Variants in TPST2 observed in about 807,000 individuals in gnomAD.
TPST2 encodes the protein tyrosylprotein sulfotransferase 2.
Under a neutral mutation model 27.8 loss-of-function variants are expected in TPST2, and 16 were observed. That is an observed-to-expected ratio of 0.58 (90% CI 0.39 to 0.88). The LOEUF (loss-of-function observed/expected upper bound fraction) is 0.88, where lower values mean the gene tolerates loss of function less well. Ranked by LOEUF, TPST2 falls within the 40% of genes least tolerant of loss-of-function variation. The pLI is 0.00. For missense variants in TPST2, 464 were observed against 543.1 expected, an observed-to-expected ratio of 0.85 and a Z score of 1.45; for synonymous variants, 229 against 231.7, an observed-to-expected ratio of 0.99 and a Z score of 0.10.
intron 1 of TPST2, among the ~76,000 whole-genome samples, chr22:26,569,115 A>C (rs1026304615): frequency 1.3e-5 from 2 of 152,036 alleles, no homozygotes; most frequent in Non-Finnish European, 1.5e-5. Context: ...CGCCCGCCTC[A>C]GCCTCCCAAA....
chr22:26,562,774 C>T (rs772161686), intron 1 of TPST2, among the ~76,000 whole-genome samples: 2 of 152,128 alleles, frequency 1.3e-5, no homozygotes, highest in Non-Finnish European at 2.9e-5. Context: ...CAGACATGTG[C>T]CATCATGTCC....
At chr22:26,535,737 T>G (rs937831784) in intron 4 of TPST2, among the ~76,000 whole-genome samples, 1 of 152,208 alleles carries the variant, frequency 6.6e-6, no homozygotes, top group Non-Finnish European at 1.5e-5. Flanking sequence ...ACTGCACCAG[T>G]GCACCCAGCT....
At chr22:26,578,237 G>A (rs1927938199) in intron 1 of TPST2, among the ~76,000 whole-genome samples, 2 of 152,194 alleles carry the variant, frequency 1.3e-5, no homozygotes, top group Admixed American at 1.3e-4. Context: ...CCAAGGCACA[G>A]AAAGGTGAAG....
intron 1 of TPST2, among the ~76,000 whole-genome samples, chr22:26,567,321 A>C (rs1352457818): frequency 2.0e-5 from 3 of 152,178 alleles, no homozygotes; most frequent in Admixed American, 2.0e-4. Flanking sequence ...GTCCCCTCCA[A>C]GGGTAGGAAA....
chr22:26,587,185 C>A (rs1928378525), intron 1 of TPST2, among the ~76,000 whole-genome samples: 1 of 152,140 alleles, frequency 6.6e-6, no homozygotes, highest in Non-Finnish European at 1.5e-5. Flanking sequence ...GGAGGGTCTC[C>A]CTGGCCTCCA....
chr22:26,581,477 A>G (rs1482818649), intron 1 of TPST2, among the ~76,000 whole-genome samples: 1 of 152,250 alleles, frequency 6.6e-6, no homozygotes, highest in Non-Finnish European at 1.5e-5. Flanking sequence ...ACTCTGGGAC[A>G]GAAGGAAATC....
At chr22:26,564,921 C>T (rs1281205754) in intron 1 of TPST2, among the ~76,000 whole-genome samples, 2 of 152,158 alleles carry the variant, frequency 1.3e-5, no homozygotes, top group Non-Finnish European at 2.9e-5. Flanking sequence ...CTCTCTGAGC[C>T]TCCACTTTCT....
intron 1 of TPST2, among the ~76,000 whole-genome samples, chr22:26,571,953 A>T (rs1178358673): frequency 6.6e-6 from 1 of 152,024 alleles, no homozygotes; most frequent in Non-Finnish European, 1.5e-5. Flanking sequence ...GCCTGTCCCC[A>T]TATGGTGGCA....
At chr22:26,569,110 G>A (rs994851418) in intron 1 of TPST2, among the ~76,000 whole-genome samples, 2 of 152,090 alleles carry the variant, frequency 1.3e-5, no homozygotes, top group East Asian at 1.9e-4. Context: ...TGATCCGCCC[G>A]CCTCAGCCTC....
At chr22:26,560,989 A>G (rs1927058063) in intron 1 of TPST2, 2 of 1,609,570 alleles carry the variant, frequency 1.2e-6, no homozygotes, top group Admixed American at 1.7e-5. Flanking sequence ...AAGGAAAAAT[A>G]CGAAAAGGAT....
At chr22:26,550,224 C>T (rs1209732175) in intron 1 of TPST2, among the ~76,000 whole-genome samples, 1 of 152,040 alleles carries the variant, frequency 6.6e-6, no homozygotes, top group Admixed American at 6.6e-5. Context: ...CGGGGCCCTG[C>T]TCAAGATACT....
chr22:26,577,180 ACTTGAG>A (rs1283637942), intron 1 of TPST2, among the ~76,000 whole-genome samples: 1 of 149,664 alleles, frequency 6.7e-6, no homozygotes, highest in Non-Finnish European at 1.5e-5. Flanking sequence ...GGGTGAGATC[ACTTGAG>A]CCCAGGAATT....
At chr22:26,537,032 G>A (rs1925508848) in intron 3 of TPST2, among the ~76,000 whole-genome samples, 1 of 151,930 alleles carries the variant, frequency 6.6e-6, no homozygotes, top group Non-Finnish European at 1.5e-5. Flanking sequence ...CTCCAGACTG[G>A]GCAACAGAGC....
At chr22:26,535,185 A>C (rs1925383805) in intron 4 of TPST2, among the ~76,000 whole-genome samples, 1 of 152,260 alleles carries the variant, frequency 6.6e-6, no homozygotes, top group Non-Finnish European at 1.5e-5. Context: ...GAGTTACGGA[A>C]CTAAGAGACG....
chr22:26,557,481 T>C (rs865832829), intron 1 of TPST2, among the ~76,000 whole-genome samples: 56 of 152,176 alleles, frequency 3.7e-4, no homozygotes, highest in African/African-American at 1.3e-3. Context: ...AGCTCTTCAA[T>C]AACTGTGAGT....
At position 26,536,379 on chromosome 22, in the gene TPST2, G is replaced by C; in HGVS notation, c.950C>G (p.Ala317Gly). ...GDVVRDMAQI[A>G]PMLAQLGYDP... ...ATAGCCGAGCTGAGCCAGCATGGGG[G>C]CGATCTGGGCCATGTCCCGCACCAC... Residue 317 changes from alanine to glycine, a missense_variant, in exon 4 of 7, where the codon GCC (alanine) becomes GGC (glycine). Ala to Gly is a moderately conservative substitution (Grantham distance 60, BLOSUM62 0). Transcript: ENST00000338754. 6.2e-7 allele frequency: 1 copy of C among 1,608,162 alleles called. No homozygotes were observed.
At position 26,522,067 on chromosome 22, in the gene TPST2, C is replaced by T. The variant is rs1423239859; in HGVS notation, c.*4208G>A. The T allele has an allele frequency of 1.3e-5, 2 of 152,248 alleles. No homozygotes were observed. The highest frequency in any genetic ancestry group is 6.8e-3 in the Middle Eastern group (2 of 294). 9.4% of individuals were successfully genotyped at this position (152,248 alleles called of 1,614,324 possible). A position where few individuals can be genotyped will look rare whatever the true frequency, so the allele number is the denominator to read the frequency against. On this transcript the variant is annotated 3_prime_UTR_variant, in exon 7 of 7. Coordinates refer to ENST00000338754, the MANE Select transcript of TPST2 (RefSeq NM_003595.5). ...ATAGCTACCATGTATTAAGCCTTCA[C>T]CATGGGGCTGTTAAGTCTTCATTGC...
chr22:26,555,681 C>A (rs964717436), intron 1 of TPST2, among the ~76,000 whole-genome samples: 6 of 152,250 alleles, frequency 3.9e-5, no homozygotes, highest in African/African-American at 1.4e-4. Flanking sequence ...CCCAGACAGA[C>A]TGGGGTGTGC....
intron 1 of TPST2, among the ~76,000 whole-genome samples, chr22:26,578,257 G>A (rs985510208): frequency 6.6e-6 from 1 of 152,148 alleles, no homozygotes; most frequent in Non-Finnish European, 1.5e-5. Context: ...GTCGTTGCCT[G>A]AGATCTCACA....
Sources: allele counts gnomAD v4.1 joint callset (sites outside exome capture counted in the v4.1 genomes callset), GRCh38; gene constraint gnomAD v4.1.1; transcripts MANE v1.5; gene names NCBI Gene and HGNC (gene_info 2026-07-23, HGNC 2026-07-21).